MSH3: variants seen among roughly 807,000 people sequenced by gnomAD.
The protein encoded by MSH3 is mutS homolog 3.
Under a neutral mutation model 123.3 loss-of-function variants are expected in MSH3, and 106 were observed. That is an observed-to-expected ratio of 0.86 (90% CI 0.73 to 1.01). The LOEUF (loss-of-function observed/expected upper bound fraction) is 1.01, where lower values mean the gene tolerates loss of function less well. Ranked by LOEUF, MSH3 falls within the 50% of genes least tolerant of loss-of-function variation. The pLI is 0.00. For synonymous variants in MSH3, 515 were observed against 481.4 expected, an observed-to-expected ratio of 1.07 and a Z score of -0.91; for missense variants, 1,459 against 1,347.6, an observed-to-expected ratio of 1.08 and a Z score of -1.29.
rs1163200429 is a variant in MSH3 at position 80,761,529 on chromosome 5, T to C, written c.1764-17T>C. ...TTCCTAACATATCTGATTATTGCTA[T>C]TACTCTTTTCTCACAGGGAAATAAA... On this transcript the variant is annotated splice_polypyrimidine_tract_variant and intron_variant, in intron 12 of 23. Transcript: ENST00000265081. 1 of 1,613,856 alleles carries C rather than the reference T, an allele frequency of 6.2e-7. No individual in the cohort carries two copies. The highest frequency in any genetic ancestry group is 1.1e-5 in the South Asian group (1 of 91,074).
intron 8 of MSH3, among the ~76,000 whole-genome samples, chr5:80,706,987 A>G (rs897327189): frequency 6.6e-5 from 10 of 152,334 alleles, no homozygotes; most frequent in African/African-American, 2.4e-4. Flanking sequence ...AGAACATTTC[A>G]TCTTCCCAAA....
chr5:80,713,934 G>A (rs1377081900), intron 8 of MSH3, among the ~76,000 whole-genome samples: 1 of 152,046 alleles, frequency 6.6e-6, no homozygotes, highest in Admixed American at 6.6e-5. Flanking sequence ...TCTGATGCCG[G>A]TGTCCCACAG....
intron 1 of MSH3, among the ~76,000 whole-genome samples, chr5:80,656,105 G>T (rs1476241591): frequency 6.6e-6 from 1 of 152,206 alleles, no homozygotes; most frequent in Non-Finnish European, 1.5e-5. Context: ...TAAGTAGGGT[G>T]ATTCAAGTTT....
chr5:80,688,481 A>G (rs765741845), intron 8 of MSH3, among the ~76,000 whole-genome samples: 4 of 152,200 alleles, frequency 2.6e-5, no homozygotes, highest in African/African-American at 4.8e-5. Context: ...TGAAATTACC[A>G]TAGTAGCATT....
At chr5:80,726,271 C>G (rs1403328675) in intron 9 of MSH3, among the ~76,000 whole-genome samples, 1 of 152,168 alleles carries the variant, frequency 6.6e-6, no homozygotes, top group Non-Finnish European at 1.5e-5. Flanking sequence ...TCACTCTAAT[C>G]TTCATCCTAC....
chr5:80,847,158 C>A (rs6877065), intron 20 of MSH3, among the ~76,000 whole-genome samples: 23,983 of 151,984 alleles, frequency 0.16, 1,991 homozygotes, highest in East Asian at 0.24. Flanking sequence ...CTCCCGGGCT[C>A]AAGCGATTTT....
At chr5:80,762,083 C>T (rs941381902) in intron 13 of MSH3, among the ~76,000 whole-genome samples, 5 of 151,798 alleles carry the variant, frequency 3.3e-5, no homozygotes, top group African/African-American at 9.7e-5. Context: ...GCTAGTATAA[C>T]ATCTGTGGTG....
chr5:80,742,137 G>A (rs1378486941), intron 11 of MSH3, among the ~76,000 whole-genome samples: 2 of 152,010 alleles, frequency 1.3e-5, no homozygotes, highest in Non-Finnish European at 2.9e-5. Flanking sequence ...AGCCTCCTAA[G>A]TAGCTGGGAT....
At chr5:80,716,879 C>T (rs972127345) in intron 8 of MSH3, among the ~76,000 whole-genome samples, 2 of 152,166 alleles carry the variant, frequency 1.3e-5, no homozygotes, top group East Asian at 3.9e-4. Context: ...TTACCTCCCT[C>T]CCCAAAGCTC....
At chr5:80,865,839 AT>A (rs1250705166) in intron 22 of MSH3, among the ~76,000 whole-genome samples, 1 of 152,234 alleles carries the variant, frequency 6.6e-6, no homozygotes, top group Non-Finnish European at 1.5e-5. Context: ...GCTGGCCCAA[AT>A]AAAACAAAGC....
chr5:80,800,154 G>T (rs1468020394), intron 19 of MSH3, among the ~76,000 whole-genome samples: 1 of 152,218 alleles, frequency 6.6e-6, no homozygotes, highest in Admixed American at 6.5e-5. Context: ...TGTACTTCTA[G>T]TCTCTTCATA....
At chr5:80,665,097 G>A (rs1249823572) in intron 2 of MSH3, 46 bp from the exon 3 acceptor site, 1 of 1,501,798 alleles carries the variant, frequency 6.7e-7, no homozygotes, top group East Asian at 2.3e-5. Context: ...GACATAATGA[G>A]ACCAAAATTA....
intron 19 of MSH3, among the ~76,000 whole-genome samples, chr5:80,804,577 C>T (rs1156290208): frequency 1.3e-5 from 2 of 152,166 alleles, no homozygotes; most frequent in Non-Finnish European, 2.9e-5. Context: ...TGGAAAATTC[C>T]CTGGATTTCT....
chr5:80,725,417 A>G (rs1184364119), intron 8 of MSH3, 36 bp from the exon 9 acceptor site: 3 of 1,432,006 alleles, frequency 2.1e-6, no homozygotes, highest in East Asian at 2.3e-5. Context: ...ATGATAATGG[A>G]TAAGTTATCT....
chr5:80,846,799 G>T (rs967670672), intron 20 of MSH3, among the ~76,000 whole-genome samples: 77 of 152,206 alleles, frequency 5.1e-4, no homozygotes, highest in African/African-American at 1.8e-3. Flanking sequence ...GGAGTGTACT[G>T]TTTCTTCAGG....
At chr5:80,755,475 T>C (rs1437408558) in intron 12 of MSH3, among the ~76,000 whole-genome samples, 1 of 152,180 alleles carries the variant, frequency 6.6e-6, no homozygotes, top group Non-Finnish European at 1.5e-5. Context: ...CCTTTATTAA[T>C]GAGGATTTTC....
chr5:80,875,721 T>C, intron 23 of MSH3, 30 bp from the exon 24 acceptor site: 1 of 1,285,028 alleles, frequency 7.8e-7, no homozygotes, highest in South Asian at 1.2e-5. Context: ...ATTTCATTTA[T>C]TAAATAAGTA....
intron 2 of MSH3, among the ~76,000 whole-genome samples, chr5:80,660,622 G>A (rs879488012): frequency 1.3e-5 from 2 of 152,122 alleles, no homozygotes; most frequent in East Asian, 1.9e-4. Flanking sequence ...GTATTTCTTC[G>A]GAGATTCTTA....
intron 19 of MSH3, among the ~76,000 whole-genome samples, chr5:80,811,893 ATTTTAT>A (rs1399625457): frequency 6.6e-6 from 1 of 152,088 alleles, no homozygotes; most frequent in African/African-American, 2.4e-5. Flanking sequence ...TGTAGAATTC[ATTTTAT>A]TTTTATCATT....
Sources: allele counts gnomAD v4.1 joint callset (sites outside exome capture counted in the v4.1 genomes callset), GRCh38; gene constraint gnomAD v4.1.1; transcripts MANE v1.5; gene names NCBI Gene and HGNC (gene_info 2026-07-23, HGNC 2026-07-21).